C1RL: variants seen among roughly 807,000 people sequenced by gnomAD.
The protein encoded by C1RL is complement C1r subcomponent like.
Under a neutral mutation model 27.9 loss-of-function variants are expected in C1RL, and 27 were observed. The ratio of observed to expected loss-of-function variants is 0.97; its 90% CI spans 0.71 to 1.33. C1RL has a LOEUF of 1.33. C1RL is among the 40% of genes most tolerant of loss of function. The probability of loss-of-function intolerance (pLI) is 0.00; values close to 1 mark genes in which losing one functional copy is unlikely to be tolerated. For synonymous variants in C1RL, 248 were observed against 252.1 expected (o/e 0.98, Z 0.15); for missense variants, 563 against 623.9 (o/e 0.90, Z 1.04).
Position 7,094,776 on chromosome 12 carries a change from A to C in C1RL, c.*1615T>G, listed in dbSNP as rs1938378314. ...ATTATATTTTTGGCGATGGGGTTTC[A>C]CTATGTTGCTTAGGCTGGACTTCAA... is the stretch of plus-strand genomic sequence containing the variant. On this transcript the variant is annotated 3_prime_UTR_variant, in exon 6 of 6. Coordinates refer to ENST00000266542, the MANE Select transcript of C1RL (RefSeq NM_016546.4). The C allele has an allele frequency of 1.0e-6, 1 of 952,492 alleles. No homozygotes were observed. The highest frequency in any genetic ancestry group is 1.8e-5 in the African/African-American group (1 of 56,472). 59.0% of individuals were successfully genotyped at this position (952,492 alleles called of 1,614,324 possible).
At position 7,104,677 on chromosome 12, in the gene C1RL, G is replaced by A. The variant is rs1938715169; in HGVS notation, c.301-2590C>T. 6.6e-6 allele frequency among the ~76,000 whole-genome samples: 1 copy of A among 152,222 alleles called. No individual in the cohort carries two copies. Among genetic ancestry groups the A allele is most frequent in the South Asian group, 2.1e-4 (1 of 4,826 alleles). On this transcript the variant is annotated intron_variant, in intron 2 of 5. Transcript: ENST00000266542. The surrounding 1 kb of genome is among the most constrained non-coding windows in gnomAD (Gnocchi z 5.4). ...GCATCCTGAACTGCTGCAACAGGCT[G>A]TGGCCACCCGTGACCCCAAACTGGA... is the stretch of plus-strand genomic sequence containing the variant.
Position 7,102,105 on chromosome 12 carries a change from AGTGAG to A in C1RL, c.301-23_301-19del. 6.3e-7 allele frequency: 1 copy of A among 1,597,764 alleles called. No homozygotes were observed. The highest frequency in any genetic ancestry group is 8.6e-7 in the Non-Finnish European group (1 of 1,167,266). On this transcript the variant is annotated intron_variant, in intron 2 of 5. Transcript: ENST00000266542. Reference sequence around the variant, plus strand: ...AATGAGATCTGAAAGCGGGAGGAGGAGTGAGGCTGCAGATAGGTGTGGGGTGAATC... The same window carrying A: ...AATGAGATCTGAAAGCGGGAGGAGGAGCTGCAGATAGGTGTGGGGTGAATC...
intron 2 of C1RL, among the ~76,000 whole-genome samples, chr12:7,106,803 A>G (rs1938778706): frequency 6.6e-6 from 1 of 152,216 alleles, no homozygotes; most frequent in African/African-American, 2.4e-5. Flanking sequence ...GTTGGAGAAG[A>G]AAAGAAATAT....
rs202118474 is a variant in C1RL at position 7,108,329 on chromosome 12, T to C, written c.222A>G (p.Pro74=). The change falls in exon 2 of 6, where the codon CCA becomes CCG. Residue 74 remains proline, a synonymous_variant. Coordinates refer to ENST00000266542, the MANE Select transcript of C1RL (RefSeq NM_016546.4). ...AGACGAGCCTCACAGCAAAGCCCTC[T>C]GGAGCCTTGATGTCCGTGCTGCTCT... is the stretch of plus-strand genomic sequence containing the variant. ...GQESSTDIKA[P]EGFAVRLVFQ... The C allele has an allele frequency of 6.2e-7, 1 of 1,614,252 alleles. No individual in the cohort carries two copies. The highest frequency in any genetic ancestry group is 8.5e-7 in the Non-Finnish European group (1 of 1,180,046).
chr12:7,099,726 T>C lies in C1RL; in HGVS notation c.651A>G (p.Lys217=), dbSNP rs779203337. Residue 217 remains lysine, a synonymous_variant, in exon 5 of 6, where the codon AAA becomes AAG. Transcript: ENST00000266542. ...ALTCATPGTW[K]DRQDGEEVLQ... is the part of the protein sequence containing the mutation. ...GAACCTCCTCCCCATCCTGTCTGTC[T>C]TTCCAGGTCCCTGGGGTTGCACAGG... is the stretch of plus-strand genomic sequence containing the variant. The C allele has an allele frequency of 2.9e-5, 46 of 1,565,898 alleles. No individual in the cohort carries two copies. The highest frequency in any genetic ancestry group is 4.0e-5 in the Non-Finnish European group (46 of 1,154,706).
chr12:7,102,227 C>G, intron 2 of C1RL, 140 bp from the exon 3 acceptor site: 2 of 741,342 alleles, frequency 2.7e-6, no homozygotes, highest in Non-Finnish European at 4.4e-6. Flanking sequence ...AGGCACCTCA[C>G]AGAGGCTTCC....
chr12:7,096,170 G>A lies in C1RL; in HGVS notation c.*221C>T. On this transcript the variant is annotated 3_prime_UTR_variant, in exon 6 of 6. Transcript: ENST00000266542. ...GCACAGGGAGGTAGAGGGTGAGGAG[G>A]AGCGGTCTGTGGGACTCTGCTTCCT... The A allele has an allele frequency of 7.4e-7, 1 of 1,345,044 alleles. No individual in the cohort carries two copies. The highest frequency in any genetic ancestry group is 9.5e-7 in the Non-Finnish European group (1 of 1,050,808). 83.3% of individuals were successfully genotyped at this position (1,345,044 alleles called of 1,614,324 possible). A position where few individuals can be genotyped will look rare whatever the true frequency, so the allele number is the denominator to read the frequency against.
In C1RL at chr12:7,104,093, A is replaced by G. The variant is rs757728791; in HGVS notation, c.301-2006T>C. Among the ~76,000 whole-genome samples, 3 of 152,328 alleles carry G rather than the reference A, an allele frequency of 2.0e-5. No homozygotes were observed. In the South Asian group the frequency reaches 6.2e-4, roughly 32 times the overall value. On this transcript the variant is annotated intron_variant, in intron 2 of 5. Transcript: ENST00000266542. The surrounding 1 kb of genome is among the most constrained non-coding windows in gnomAD (Gnocchi z 5.4). Reference sequence around the variant, plus strand: ...ACACACTTTGGAAGATGGAGTGGAGATGCAAGTGATAACTTGAGTTTGCAA... The same window carrying G: ...ACACACTTTGGAAGATGGAGTGGAGGTGCAAGTGATAACTTGAGTTTGCAA...
chr12:7,101,130 T>C (rs1938611039), intron 3 of C1RL, among the ~76,000 whole-genome samples: 3 of 21,252 alleles, frequency 1.4e-4, no homozygotes, highest in African/African-American at 2.0e-4. Flanking sequence ...TCCCTCCTTC[T>C]TCCCTCCCTC....
intron 2 of C1RL, among the ~76,000 whole-genome samples, chr12:7,106,720 C>T (rs1938775300): frequency 6.6e-6 from 1 of 151,984 alleles, no homozygotes. Flanking sequence ...AAAACAAACA[C>T]CCCCCACCAA....
At chr12:7,109,081 C>A (rs1182193770) in intron 1 of C1RL, 29 bp downstream of exon 1, 1 of 1,551,796 alleles carries the variant, frequency 6.4e-7, no homozygotes, top group Non-Finnish European at 8.8e-7. Context: ...CCGTCCTCTT[C>A]CCTCCTCCTC....
At position 7,094,804 on chromosome 12, in the gene C1RL, C is replaced by G. The variant is rs938709749; in HGVS notation, c.*1587G>C. The G allele has an allele frequency of 6.3e-6, 6 of 957,224 alleles. No individual in the cohort carries two copies. The African/African-American group carries it at 1.1e-4, about 17-fold the overall frequency. The allele number at this position is 957,224 out of a possible 1,614,324, so 59.3% of individuals were successfully genotyped here. On this transcript the variant is annotated 3_prime_UTR_variant, in exon 6 of 6. Coordinates refer to ENST00000266542, the MANE Select transcript of C1RL (RefSeq NM_016546.4). ...ATGTTGCTTAGGCTGGACTTCAACT[C>G]CTGGGCTCAAGCGATCCTCTTGCAT...
intron 1 of C1RL, 186 bp downstream of exon 1, chr12:7,108,924 G>T: frequency 1.7e-6 from 1 of 586,214 alleles, no homozygotes; most frequent in Non-Finnish European, 3.1e-6. Flanking sequence ...AATATCTGCT[G>T]TGCTGCTGCT....
chr12:7,108,988 TGGGGGGGG>T (rs1158893295), intron 1 of C1RL, 114 bp downstream of exon 1: 20 of 110,090 alleles, frequency 1.8e-4, no homozygotes, highest in Non-Finnish European at 2.4e-4. Flanking sequence ...TGTGTGTGTG[TGGGGGGGG>T]GGGGGATGTG....
chr12:7,105,074 C>T (rs1168573737), intron 2 of C1RL, among the ~76,000 whole-genome samples: 1 of 152,180 alleles, frequency 6.6e-6, no homozygotes, highest in African/African-American at 2.4e-5. Flanking sequence ...GCTGGGGTCC[C>T]TGAGCTGGAA....
Position 7,101,952 on chromosome 12 carries a change from C to G in C1RL, c.436G>C (p.Glu146Gln). The G allele has an allele frequency of 6.2e-7, 1 of 1,614,232 alleles. No individual in the cohort carries two copies. Among genetic ancestry groups the G allele is most frequent in the Non-Finnish European group, 8.5e-7 (1 of 1,180,044 alleles). The part of the protein sequence containing the change: ...RLTFRTQPSS[E>Q]NKTAHLHKGF... ...TTGTGGAGGTGGGCAGTCTTGTTCT[C>G]CGAGGAAGGCTGTGTGCGGAAGGTC... Residue 146 changes from glutamate to glutamine, a missense_variant, in exon 3 of 6, where the codon GAG becomes CAG. Coordinates refer to ENST00000266542, the MANE Select transcript of C1RL (RefSeq NM_016546.4).
At chr12:7,108,114 T>A in intron 2 of C1RL, 137 bp downstream of exon 2, 1 of 687,356 alleles carries the variant, frequency 1.5e-6, no homozygotes, top group Non-Finnish European at 2.3e-6. Context: ...TGCTCCCCGG[T>A]AAGCCAAGCC....
chr12:7,098,006 G>C (rs993464085), intron 5 of C1RL, among the ~76,000 whole-genome samples: 1 of 152,068 alleles, frequency 6.6e-6, no homozygotes, highest in African/African-American at 2.4e-5. Context: ...GGTGGCTCAC[G>C]CCTGTAATCC....
At chr12:7,100,768 T>C (rs1284009559) in intron 3 of C1RL, among the ~76,000 whole-genome samples, 1 of 151,960 alleles carries the variant, frequency 6.6e-6, no homozygotes, top group Non-Finnish European at 1.5e-5. Context: ...GCCTGGGCAA[T>C]AGAGCGAGAC....
Sources: allele counts gnomAD v4.1 joint callset (sites outside exome capture counted in the v4.1 genomes callset), GRCh38; gene constraint gnomAD v4.1.1; non-coding constraint Gnocchi (gnomAD v3.1); transcripts MANE v1.5; gene names NCBI Gene and HGNC (gene_info 2026-07-23, HGNC 2026-07-21).